The following BTD variants were observed in gnomAD, a reference collection of about 807,000 sequenced individuals.
BTD encodes the protein biocytinase.
Under a neutral mutation model 17.7 loss-of-function variants are expected in BTD, and 13 were observed. The ratio of observed to expected loss-of-function variants is 0.74; its 90% confidence interval spans 0.48 to 1.17. The LOEUF (loss-of-function observed/expected upper bound fraction) is 1.17. Among genes scored for constraint, BTD ranks in the 50% most tolerant of loss-of-function variants. The probability of loss-of-function intolerance (pLI) is 0.00; values close to 1 mark genes in which losing one functional copy is unlikely to be tolerated. For missense variants in BTD, 674 were observed against 650.4 expected (o/e 1.04, Z -0.39); for synonymous variants, 240 against 245.2 (o/e 0.98, Z 0.20).
intron 3 of BTD, among the ~76,000 whole-genome samples, chr3:15,701,192 T>G (rs755446641): frequency 3.1e-4 from 47 of 152,354 alleles, no homozygotes; most frequent in Non-Finnish European, 5.1e-4. Flanking sequence ...AACACTTATT[T>G]CTTTAAATGC....
rs759266571 is a variant in BTD, at chr3:15,641,998, T to C, written c.340T>C (p.Ser114Pro). The change falls in exon 3 of 4, where the codon TCT (serine) becomes CCT (proline). Residue 114 changes from serine to proline, a missense_variant. Coordinates refer to ENST00000643237, the MANE Select transcript of BTD (RefSeq NM_001370658.1). ...SIYPFLDFMP[S>P]PQVVRWNPCL... is the part of the protein sequence containing the mutation. Reference sequence around the variant, plus strand: ...TTATCCATTTTTGGACTTCATGCCGTCTCCCCAGGTGGTCAGGTGGAACCC... The same window carrying C: ...TTATCCATTTTTGGACTTCATGCCGCCTCCCCAGGTGGTCAGGTGGAACCC... 5.6e-6 allele frequency: 9 copies of C among 1,614,174 alleles called. No homozygotes were observed. The highest frequency in any genetic ancestry group is 7.6e-6 in the Non-Finnish European group (9 of 1,180,036).
At chr3:15,688,236 TA>T (rs2068372672) in intron 3 of BTD, among the ~76,000 whole-genome samples, 1 of 152,236 alleles carries the variant, frequency 6.6e-6, no homozygotes, top group South Asian at 2.1e-4. Context: ...AGCTATAGAT[TA>T]ATATTTTTAA....
intron 3 of BTD, chr3:15,697,363 T>C (rs538325606): frequency 1.3e-5 from 2 of 152,282 alleles, no homozygotes; most frequent in African/African-American, 4.8e-5. Flanking sequence ...AGACTACACA[T>C]TGGATACAGT....
intron 3 of BTD, among the ~76,000 whole-genome samples, chr3:15,702,870 AC>A (rs1451614955): frequency 6.6e-6 from 1 of 151,860 alleles, no homozygotes; most frequent in African/African-American, 2.4e-5. Context: ...AATACAACTA[AC>A]CTTTATAGGA....
At chr3:15,692,144 T>TAAAAA (rs908039642) in intron 3 of BTD, among the ~76,000 whole-genome samples, 89 of 96,226 alleles carry the variant, frequency 9.2e-4, no homozygotes, top group Admixed American at 1.8e-3. Context: ...TATCTCTAAA[T>TAAAAA]AAAAAAAAAA....
chr3:15,713,516 T>C (rs1183212057), downstream of BTD: 14 of 1,604,114 alleles, frequency 8.7e-6, no homozygotes, highest in Non-Finnish European at 1.2e-5. Context: ...AACACCTCGG[T>C]AAGTACTTAC....
chr3:15,644,768 A>C lies in BTD; in HGVS notation c.852A>C (p.Pro284=). The C allele has an allele frequency of 6.2e-7, 1 of 1,614,140 alleles. No homozygotes were observed. The highest frequency in any genetic ancestry group is 8.5e-7 in the Non-Finnish European group (1 of 1,180,034). The part of the protein sequence containing the change: ...INVLAANVHH[P]VLGMTGSGIH... ...TTCTGGCAGCTAATGTCCACCACCC[A>C]GTTCTGGGGATGACAGGAAGTGGCA... is the stretch of plus-strand genomic sequence containing the variant. The change falls in exon 4 of 4, where the codon CCA becomes CCC. Residue 284 remains proline, a synonymous_variant. Transcript: ENST00000643237.
chr3:15,715,986 T>A (rs1203044406), downstream of BTD, among the ~76,000 whole-genome samples: 2 of 151,872 alleles, frequency 1.3e-5, no homozygotes, highest in Non-Finnish European at 2.9e-5. Context: ...ATGGCCTTTT[T>A]TTTCTCTCTT....
intron 2 of BTD, 72 bp from the exon 3 acceptor site, chr3:15,641,836 G>C (rs114427862): frequency 3.4e-6 from 4 of 1,178,028 alleles, no homozygotes; most frequent in Non-Finnish European, 5.0e-6. Context: ...AGAATGAACA[G>C]AAGAATGAAT....
intron 3 of BTD, among the ~76,000 whole-genome samples, chr3:15,674,682 C>G (rs1033223907): frequency 2.0e-5 from 3 of 151,724 alleles, no homozygotes; most frequent in African/African-American, 7.3e-5. Flanking sequence ...ATAGAGAAAG[C>G]AAAAAGAACG....
chr3:15,680,008 C>CGAT (rs2067370305), intron 3 of BTD, among the ~76,000 whole-genome samples: 1 of 152,054 alleles, frequency 6.6e-6, no homozygotes, highest in Non-Finnish European at 1.5e-5. Context: ...AATACTATCC[C>CGAT]ATTTTCTATA....
chr3:15,701,647 A>AAAAT (rs373322435), intron 3 of BTD, among the ~76,000 whole-genome samples: 3,465 of 152,100 alleles, frequency 0.023, 132 homozygotes, highest in African/African-American at 0.078. Flanking sequence ...TCCGTCTCAA[A>AAAAT]AAATAAATAA....
At position 15,644,936 on chromosome 3, in the gene BTD, G is replaced by A. The variant is rs1411743099; in HGVS notation, c.1020G>A (p.Lys340=). ...ATGETDPSHS[K]FLKILSGDPY... ...GTGAAACGGACCCATCCCATAGTAAGTTTTTAAAAATTTTGTCAGGCGATC... is the reference window on the plus strand; with the variant it reads ...GTGAAACGGACCCATCCCATAGTAAATTTTTAAAAATTTTGTCAGGCGATC... Residue 340 remains lysine (K), a synonymous_variant, in exon 4 of 4, where the codon AAG becomes AAA. Coordinates refer to ENST00000643237, the MANE Select transcript of BTD (RefSeq NM_001370658.1). 6.2e-7 allele frequency: 1 copy of A among 1,614,138 alleles called. No individual in the cohort carries two copies. The highest frequency in any genetic ancestry group is 1.1e-5 in the South Asian group (1 of 91,074).
downstream of BTD, among the ~76,000 whole-genome samples, chr3:15,657,572 AT>A (rs2065883463): frequency 6.6e-6 from 1 of 152,218 alleles, no homozygotes; most frequent in Non-Finnish European, 1.5e-5. Context: ...GCTATTTATT[AT>A]CATAACTTCA....
At chr3:15,679,531 G>A (rs765899307) in intron 3 of BTD, 1 of 1,613,354 alleles carries the variant, frequency 6.2e-7, no homozygotes, top group Non-Finnish European at 8.5e-7. Context: ...AAAACTTCCT[G>A]TTCTAAAAGC....
chr3:15,641,625 A>G (rs1237763420), intron 2 of BTD, among the ~76,000 whole-genome samples: 1 of 152,144 alleles, frequency 6.6e-6, no homozygotes. Flanking sequence ...GCTTACTTTC[A>G]ATGGAGCTTA....
At chr3:15,703,788 G>C (rs1341346738) in intron 3 of BTD, among the ~76,000 whole-genome samples, 1 of 152,224 alleles carries the variant, frequency 6.6e-6, no homozygotes, top group Non-Finnish European at 1.5e-5. Flanking sequence ...GGACGGAAGA[G>C]TTATGAAGTG....
chr3:15,667,320 TCTC>T (rs1322945213), intron 3 of BTD: 1 of 152,202 alleles, frequency 6.6e-6, no homozygotes, highest in Non-Finnish European at 1.5e-5. Flanking sequence ...CACTTAGAGA[TCTC>T]CTGAACTAAA....
At position 15,680,812 on chromosome 3, in the gene BTD, C is replaced by A. The variant is rs868292251; in HGVS notation, c.400-29248C>A. Among the ~76,000 whole-genome samples the A allele has an allele frequency of 2.0e-4, 30 of 151,902 alleles. No homozygotes were observed. In the South Asian group the frequency reaches 3.1e-3, roughly 16 times the overall value. On this transcript the variant is annotated intron_variant, in intron 3 of 3. Transcript: ENST00000672141. ...TCCTGAGTTGCTAAGACAACAGGTG[C>A]AAGGCTACCACACCTGGCTAATTTT...
Sources: gnomAD v4.1 joint callset for allele counts (sites outside exome capture counted in the v4.1 genomes callset) on GRCh38, gnomAD v4.1.1 for gene constraint, MANE v1.5 for transcripts, NCBI Gene and HGNC (gene_info 2026-07-23, HGNC 2026-07-21) for gene names.